The following BCAR3 variants were observed in gnomAD, a reference collection of about 807,000 sequenced individuals.
The protein encoded by BCAR3 is BCAR3 adaptor protein, NSP family member, also known as breast cancer anti-estrogen resistance protein 3.
In BCAR3, 37 loss-of-function variants were observed where a neutral mutation model predicts 80.1. The ratio of observed to expected loss-of-function variants is 0.46; its 90% CI spans 0.36 to 0.61. The LOEUF (loss-of-function observed/expected upper bound fraction) is 0.61. Ranked by LOEUF, BCAR3 falls within the 20% of genes least tolerant of loss-of-function variation. The pLI is 0.00. For synonymous variants in BCAR3, 389 were observed against 418.9 expected (o/e 0.93, Z 0.87); for missense variants, 978 against 1,068.2 (o/e 0.92, Z 1.18).
chr1:93,718,163 T>C (rs1488247224), intron 2 of BCAR3, among the ~76,000 whole-genome samples: 1 of 152,150 alleles, frequency 6.6e-6, no homozygotes, highest in Admixed American at 6.5e-5. Context: ...TGAATTCCAA[T>C]CAGAGGATGA....
intron 3 of BCAR3, among the ~76,000 whole-genome samples, chr1:93,595,183 T>C (rs1276898270): frequency 6.6e-6 from 1 of 152,204 alleles, no homozygotes; most frequent in Non-Finnish European, 1.5e-5. Context: ...GATATTAAGA[T>C]TGACGCTCTC....
At chr1:93,673,634 C>T (rs1648325555) in intron 2 of BCAR3, among the ~76,000 whole-genome samples, 1 of 152,218 alleles carries the variant, frequency 6.6e-6, no homozygotes, top group Non-Finnish European at 1.5e-5. Context: ...CTAGCTCTAA[C>T]AGGCAGAAAC....
intron 2 of BCAR3, among the ~76,000 whole-genome samples, chr1:93,777,255 T>A (rs1170146894): frequency 6.6e-6 from 1 of 152,234 alleles, no homozygotes; most frequent in Non-Finnish European, 1.5e-5. Context: ...TGGTTTGTGG[T>A]ACATTGTTAT....
At chr1:93,655,347 T>A (rs1480118544) in intron 2 of BCAR3, among the ~76,000 whole-genome samples, 1 of 152,164 alleles carries the variant, frequency 6.6e-6, no homozygotes, top group East Asian at 1.9e-4. Context: ...GTTGGCATCA[T>A]CTGGATGAGA....
At chr1:93,812,109 T>A (rs944360492) in intron 2 of BCAR3, among the ~76,000 whole-genome samples, 4 of 152,220 alleles carry the variant, frequency 2.6e-5, no homozygotes, top group Non-Finnish European at 5.9e-5. Context: ...TTGATTTTTT[T>A]AAAAAACATC....
At position 93,582,346 on chromosome 1, in the gene BCAR3, G is replaced by A. The variant is rs78522359; in HGVS notation, c.1641C>T (p.Asn547=). ...LKRAKELFTN[N]DPKVIAQHVL... ...CGTGCTGGGCGATGACCTTGGGGTC[G>A]TTGTTGGTGAACAGTTCTTTTGCAC... Residue 547 remains asparagine, a synonymous_variant, in exon 7 of 12, where the codon AAC becomes AAT. Transcript: ENST00000260502. The A allele has an allele frequency of 2.0e-3, 3,171 of 1,614,182 alleles. 58 individuals are homozygous for A. In the African/African-American group the frequency reaches 0.037, roughly 19 times the overall value.
At chr1:93,612,960 T>A (rs1325169273) in intron 3 of BCAR3, among the ~76,000 whole-genome samples, 4 of 152,202 alleles carry the variant, frequency 2.6e-5, no homozygotes, top group East Asian at 1.9e-4. Flanking sequence ...CTGATTTTTT[T>A]AAAAGCGTAT....
chr1:93,686,730 G>A (rs766491332), upstream of BCAR3, among the ~76,000 whole-genome samples: 17 of 152,208 alleles, frequency 1.1e-4, no homozygotes, highest in Non-Finnish European at 2.2e-4. Flanking sequence ...GGCAACAGAT[G>A]TCAAAGCTGG....
intron 3 of BCAR3, among the ~76,000 whole-genome samples, chr1:93,612,534 A>G (rs541914556): frequency 2.4e-4 from 37 of 152,308 alleles, no homozygotes; most frequent in African/African-American, 7.9e-4. Flanking sequence ...CCCAATGCTG[A>G]GTTGCACTTC....
At chr1:93,727,328 C>T (rs1487625229) in intron 2 of BCAR3, among the ~76,000 whole-genome samples, 1 of 152,206 alleles carries the variant, frequency 6.6e-6, no homozygotes, top group African/African-American at 2.4e-5. Context: ...GGACTAGCTC[C>T]TAGATAGGCA....
At chr1:93,719,917 A>G (rs1010037963) in intron 2 of BCAR3, among the ~76,000 whole-genome samples, 1 of 152,126 alleles carries the variant, frequency 6.6e-6, no homozygotes, top group Non-Finnish European at 1.5e-5. Flanking sequence ...TATTTTAGAG[A>G]CAGAATCTCA....
intron 3 of BCAR3, among the ~76,000 whole-genome samples, chr1:93,631,906 C>A (rs938233938): frequency 1.3e-5 from 2 of 152,278 alleles, no homozygotes. Context: ...ACTTGTGGCA[C>A]AAGAAAACCC....
chr1:93,682,572 G>C (rs919971174), upstream of BCAR3, among the ~76,000 whole-genome samples: 12 of 151,958 alleles, frequency 7.9e-5, no homozygotes. Flanking sequence ...TTTTCTTTTC[G>C]AGACAGAGTT....
intron 2 of BCAR3, among the ~76,000 whole-genome samples, chr1:93,761,380 T>C (rs1008956926): frequency 2.6e-4 from 39 of 152,304 alleles, no homozygotes; most frequent in African/African-American, 9.4e-4. Context: ...CCAACCCTGC[T>C]TCTGAAATTC....
intron 3 of BCAR3, among the ~76,000 whole-genome samples, chr1:93,697,046 T>C (rs75125299): frequency 0.033 from 5,006 of 152,306 alleles, 272 homozygotes; most frequent in African/African-American, 0.11. Context: ...TCTCCTCCCT[T>C]AGCCTCTCAC....
intron 8 of BCAR3, among the ~76,000 whole-genome samples, chr1:93,572,497 C>A (rs545780831): frequency 3.9e-5 from 6 of 152,324 alleles, no homozygotes; most frequent in African/African-American, 1.4e-4. Context: ...CCCCAACAAA[C>A]CTCCCTTTTC....
chr1:93,609,030 G>C (rs995249305), intron 3 of BCAR3, among the ~76,000 whole-genome samples: 2 of 152,156 alleles, frequency 1.3e-5, no homozygotes, highest in African/African-American at 4.8e-5. Context: ...ACCAGCCACA[G>C]GGAAGATGAG....
chr1:93,673,215 A>G (rs1210349331), intron 2 of BCAR3, among the ~76,000 whole-genome samples: 1 of 152,254 alleles, frequency 6.6e-6, no homozygotes. Flanking sequence ...TTATTTGTAT[A>G]TACTACCTAA....
At position 93,592,309 on chromosome 1, in the gene BCAR3, C is replaced by T; in HGVS notation, c.442G>A (p.Asp148Asn). 3 of 1,612,068 alleles carry T rather than the reference C, an allele frequency of 1.9e-6. No homozygotes were observed. The South Asian group carries it at 3.3e-5, about 18-fold the overall frequency. Residue 148 changes from aspartate (D) to asparagine (N), a missense_variant, in exon 4 of 12, where the codon GAC becomes AAC. Physicochemically the swap from Asp to Asn is conservative, Grantham distance 23. Transcript: ENST00000260502. This position sits in a 1 kb window ranked among gnomAD's most constrained non-coding sequence, Gnocchi z 4.8. ...LEEELLLSSE[D>N]LRSHAWYHGR... Reference sequence around the variant, plus strand: ...TGGTACCAGGCATGGCTGCGCAGGTCCTCGCTGCTCAGGAGCAGCTCCTCC... The same window carrying T: ...TGGTACCAGGCATGGCTGCGCAGGTTCTCGCTGCTCAGGAGCAGCTCCTCC...
Sources: gnomAD v4.1 joint callset for allele counts (sites outside exome capture counted in the v4.1 genomes callset) on GRCh38, gnomAD v4.1.1 for gene constraint, Gnocchi (gnomAD v3.1) non-coding constraint, MANE v1.5 for transcripts, NCBI Gene and HGNC (gene_info 2026-07-23, HGNC 2026-07-21) for gene names.